SLC30A8: variants seen among roughly 807,000 people sequenced by gnomAD.
SLC30A8 encodes solute carrier family 30 member 8, also known as proton-coupled zinc antiporter SLC30A8.
A neutral mutation model predicts 36.9 loss-of-function variants in SLC30A8; 27 were observed. That is an observed-to-expected ratio of 0.73 (90% CI 0.54 to 1.01). The LOEUF is 1.01. SLC30A8 is among the 50% of genes least tolerant of loss of function. The probability of loss-of-function intolerance (pLI) is 0.00; values close to 1 mark genes in which losing one functional copy is unlikely to be tolerated. For synonymous variants in SLC30A8, 164 were observed against 172.4 expected, an observed-to-expected ratio of 0.95 and a Z score of 0.38; for missense variants, 439 against 452.0, an observed-to-expected ratio of 0.97 and a Z score of 0.26.
chr8:117,012,836 G>A (rs796822684), intron 1 of SLC30A8, among the ~76,000 whole-genome samples: 29 of 151,580 alleles, frequency 1.9e-4, no homozygotes, highest in African/African-American at 6.8e-4. Context: ...ATACTCTAGA[G>A]CCAATCATAA....
chr8:117,090,974 C>T (rs1438586347), intron 2 of SLC30A8, among the ~76,000 whole-genome samples: 3 of 152,124 alleles, frequency 2.0e-5, no homozygotes, highest in Non-Finnish European at 4.4e-5. Context: ...TAAAATATGT[C>T]TGGAATAAAT....
intron 1 of SLC30A8, among the ~76,000 whole-genome samples, chr8:117,143,045 A>G (rs62510552): frequency 0.057 from 8,743 of 152,268 alleles, 296 homozygotes; most frequent in East Asian, 0.13. Flanking sequence ...AATTGATATG[A>G]AAGTACAAAA....
intron 1 of SLC30A8, among the ~76,000 whole-genome samples, chr8:116,970,145 A>C (rs1023813123): frequency 6.6e-6 from 1 of 152,056 alleles, no homozygotes; most frequent in South Asian, 2.1e-4. Flanking sequence ...AAATTTAAAA[A>C]ATTTTTAGAA....
At chr8:117,078,329 ACT>A (rs1190667126) in intron 2 of SLC30A8, among the ~76,000 whole-genome samples, 1 of 152,054 alleles carries the variant, frequency 6.6e-6, no homozygotes, top group Non-Finnish European at 1.5e-5. Context: ...AGTGCCAGAC[ACT>A]CTTCCAAGCA....
intron 2 of SLC30A8, among the ~76,000 whole-genome samples, chr8:117,085,439 A>G (rs537437768): frequency 1.3e-5 from 2 of 152,194 alleles, no homozygotes; most frequent in Non-Finnish European, 2.9e-5. Context: ...TGTCTACACT[A>G]AATGGAATTC....
chr8:116,984,941 A>G (rs946117913), intron 1 of SLC30A8, among the ~76,000 whole-genome samples: 5 of 152,006 alleles, frequency 3.3e-5, no homozygotes, highest in African/African-American at 1.2e-4. Context: ...GTTAGAAAGT[A>G]CCTTTTAATG....
chr8:117,113,212 G>A (rs570832758), intron 2 of SLC30A8, among the ~76,000 whole-genome samples: 8 of 152,288 alleles, frequency 5.3e-5, no homozygotes, highest in African/African-American at 1.9e-4. Flanking sequence ...GCACATGAAA[G>A]TTTGAGAGGC....
intron 2 of SLC30A8, among the ~76,000 whole-genome samples, chr8:117,063,569 T>C (rs190377221): frequency 6.6e-6 from 1 of 152,274 alleles, no homozygotes; most frequent in East Asian, 1.9e-4. Context: ...GGAAAATATA[T>C]TGGAAATATT....
intron 1 of SLC30A8, among the ~76,000 whole-genome samples, chr8:116,971,802 G>C (rs146664088): frequency 6.6e-6 from 1 of 152,078 alleles, no homozygotes; most frequent in African/African-American, 2.4e-5. Context: ...CTGTAATAAT[G>C]CAAATGCCTC....
intron 2 of SLC30A8, among the ~76,000 whole-genome samples, chr8:117,045,448 G>T (rs893010523): frequency 6.6e-6 from 1 of 152,012 alleles, no homozygotes; most frequent in Non-Finnish European, 1.5e-5. Context: ...TGTCAATTTT[G>T]GTTTCTGGAA....
chr8:117,119,690 A>G (rs1820606280), intron 2 of SLC30A8, among the ~76,000 whole-genome samples: 1 of 151,108 alleles, frequency 6.6e-6, no homozygotes, highest in African/African-American at 2.5e-5. Flanking sequence ...CAGGAGACAG[A>G]GAGTTTTGGG....
intron 1 of SLC30A8, among the ~76,000 whole-genome samples, chr8:116,977,670 C>T (rs184380666): frequency 6.6e-6 from 1 of 152,108 alleles, no homozygotes; most frequent in Admixed American, 6.5e-5. Flanking sequence ...TGTCACCACA[C>T]CTGGCTAATT....
intron 2 of SLC30A8, among the ~76,000 whole-genome samples, chr8:117,152,377 A>T (rs1822231843): frequency 6.6e-6 from 1 of 152,174 alleles, no homozygotes; most frequent in Non-Finnish European, 1.5e-5. Context: ...TGTAGCACTG[A>T]GGACGCCCAT....
At chr8:117,056,399 G>A (rs1187583125) in intron 2 of SLC30A8, among the ~76,000 whole-genome samples, 4 of 152,254 alleles carry the variant, frequency 2.6e-5, no homozygotes, top group Non-Finnish European at 1.5e-5. Context: ...CAGGGCTCGC[G>A]CTGTGGGGAC....
intron 2 of SLC30A8, among the ~76,000 whole-genome samples, chr8:117,053,729 G>A (rs147634074): frequency 1.0e-3 from 159 of 152,314 alleles, no homozygotes; most frequent in Middle Eastern, 3.4e-3. Flanking sequence ...AGCAATGCAT[G>A]CATAGTGCTG....
At chr8:117,147,585 C>A (rs1821958679) in intron 2 of SLC30A8, 1 of 159,666 alleles carries the variant, frequency 6.3e-6, no homozygotes, top group African/African-American at 2.4e-5. Flanking sequence ...ATGGACAATG[C>A]TGCAATGCAA....
At chr8:117,122,135 CTG>C (rs1232889791) in intron 2 of SLC30A8, among the ~76,000 whole-genome samples, 2 of 151,820 alleles carry the variant, frequency 1.3e-5, no homozygotes, top group Non-Finnish European at 2.9e-5. Context: ...TAATTAGTAA[CTG>C]AGGCTTAGAA....
At chr8:117,001,601 A>G (rs1586382896) in intron 1 of SLC30A8, among the ~76,000 whole-genome samples, 1 of 152,318 alleles carries the variant, frequency 6.6e-6, no homozygotes, top group East Asian at 1.9e-4. Flanking sequence ...TATTCAGGTG[A>G]CTAGAATAGT....
chr8:116,960,229 A>G (rs994652772), intron 1 of SLC30A8, among the ~76,000 whole-genome samples: 1 of 152,176 alleles, frequency 6.6e-6, no homozygotes, highest in African/African-American at 2.4e-5. Context: ...ATATTTTAGG[A>G]GCTGTTAGTT....
Sources: gnomAD v4.1 joint callset for allele counts (sites outside exome capture counted in the v4.1 genomes callset) on GRCh38, gnomAD v4.1.1 for gene constraint, MANE v1.5 for transcripts, NCBI Gene and HGNC (gene_info 2026-07-23, HGNC 2026-07-21) for gene names.